The following MPP7 variants were observed in gnomAD, a reference collection of about 807,000 sequenced individuals.
The protein encoded by MPP7 is MAGUK p55 subfamily member 7.
Under a neutral mutation model 76.5 loss-of-function variants are expected in MPP7, and 60 were observed. The observed-to-expected ratio is 0.78, with a 90% CI of 0.64 to 0.97. The LOEUF is 0.97. Among genes scored for constraint, MPP7 ranks in the 50% least tolerant of loss-of-function variants. MPP7 has a pLI of 0.00. For missense variants in MPP7, 641 were observed against 694.0 expected, an observed-to-expected ratio of 0.92 and a Z score of 0.86; for synonymous variants, 237 against 244.5, an observed-to-expected ratio of 0.97 and a Z score of 0.29.
At chr10:28,311,134 A>G (rs1841287461) in intron 2 of MPP7, among the ~76,000 whole-genome samples, 1 of 152,234 alleles carries the variant, frequency 6.6e-6, no homozygotes, top group Admixed American at 6.5e-5. Flanking sequence ...TTCATCAACC[A>G]GTTGTACCTG....
chr10:28,295,051 C>T (rs1841007825), intron 1 of MPP7, among the ~76,000 whole-genome samples: 1 of 152,182 alleles, frequency 6.6e-6, no homozygotes, highest in East Asian at 1.9e-4. Context: ...GACCTCCCCT[C>T]CCAGACCGAC....
chr10:28,120,725 T>C (rs1272357936), intron 8 of MPP7, 57 bp from the exon 9 acceptor site: 1 of 1,373,644 alleles, frequency 7.3e-7, no homozygotes, highest in East Asian at 2.3e-5. Flanking sequence ...AAGAATAAGG[T>C]AAAATAGGTA....
chr10:28,291,829 A>G (rs1414289850), intron 1 of MPP7, among the ~76,000 whole-genome samples: 1 of 152,224 alleles, frequency 6.6e-6, no homozygotes, highest in Non-Finnish European at 1.5e-5. Flanking sequence ...CAGGCAAAAA[A>G]GTTAAGCTAA....
rs971967774 is a variant in MPP7, at chr10:28,052,639, A to C, written c.*1426T>G. ...TTTAAATTAGGACATCTTGACATAC[A>C]ATCAGTTTATTTTATGAATAGCCCC... On this transcript the variant is annotated 3_prime_UTR_variant, in exon 17 of 17. Coordinates refer to ENST00000683449, the MANE Select transcript of MPP7 (RefSeq NM_001318170.2). 1 of 152,646 alleles carries C rather than the reference A, an allele frequency of 6.6e-6. No homozygotes were observed. Among genetic ancestry groups the C allele is most frequent in the Admixed American group, 6.5e-5 (1 of 15,288 alleles). The allele number at this position is 152,646 out of a possible 1,614,324, so 9.5% of individuals were successfully genotyped here.
intron 16 of MPP7, among the ~76,000 whole-genome samples, chr10:28,055,140 T>G (rs1851508128): frequency 6.6e-6 from 1 of 152,258 alleles, no homozygotes; most frequent in Non-Finnish European, 1.5e-5. Context: ...GAGAAACCTT[T>G]AAAATGTCTA....
rs183651994 is a variant in MPP7, at chr10:28,171,778, C to T, written c.157-21719G>A. On this transcript the variant is annotated intron_variant, in intron 3 of 16. Coordinates refer to ENST00000683449, the MANE Select transcript of MPP7 (RefSeq NM_001318170.2). ...TATGGTATCAAACGCCTGCACTTCT[C>T]TAGTTTTGTTCATTCTTTGTATAGT... Among the ~76,000 whole-genome samples, 538 of 152,280 alleles carry T rather than the reference C, an allele frequency of 3.5e-3. 4 individuals are homozygous for T. Among genetic ancestry groups the T allele is most frequent in the African/African-American group, 0.013 (520 of 41,554 alleles).
At chr10:28,075,897 C>T (rs6481501) in intron 12 of MPP7, among the ~76,000 whole-genome samples, 21,510 of 152,136 alleles carry the variant, frequency 0.14, 1,942 homozygotes, top group East Asian at 0.33. Context: ...TATTCAACAA[C>T]GGCTTCCCTA....
chr10:28,073,909 T>C (rs745500757), intron 12 of MPP7, among the ~76,000 whole-genome samples: 6 of 152,248 alleles, frequency 3.9e-5, no homozygotes, highest in Non-Finnish European at 7.4e-5. Flanking sequence ...GCTCAAACAG[T>C]GCTTCCTCCA....
At position 28,056,526 on chromosome 10, in the gene MPP7, T is replaced by C. The variant is rs1851564953; in HGVS notation, c.1505A>G (p.Lys502Arg). 6.2e-7 allele frequency: 1 copy of C among 1,612,810 alleles called. No homozygotes were observed. Among genetic ancestry groups the C allele is most frequent in the Non-Finnish European group, 8.5e-7 (1 of 1,179,796 alleles). ...TTGGTCATCTCTGCTTGAAATAATC[T>C]TTGCATTTTTTCTTGTTTCTCTCAA... ...ERLRETRKNA[K>R]IISSRDDQGA... The change falls in exon 16 of 17, where the codon AAG (lysine) becomes AGG (arginine). Residue 502 changes from lysine to arginine, a missense_variant. By Grantham distance (26) the Lys-to-Arg change is conservative. Transcript: ENST00000683449.
At chr10:28,247,166 T>C (rs1050610833) in intron 1 of MPP7, among the ~76,000 whole-genome samples, 9 of 152,208 alleles carry the variant, frequency 5.9e-5, no homozygotes, top group East Asian at 1.9e-4. Flanking sequence ...TTCAACACAA[T>C]AGTTCCAAAA....
intron 1 of MPP7, among the ~76,000 whole-genome samples, chr10:28,241,807 G>A (rs1839279547): frequency 6.6e-6 from 1 of 152,052 alleles, no homozygotes; most frequent in South Asian, 2.1e-4. Flanking sequence ...CTTTAAAAGG[G>A]CTTATTTTTG....
intron 5 of MPP7, among the ~76,000 whole-genome samples, chr10:28,136,488 A>G (rs184725728): frequency 6.6e-6 from 1 of 152,190 alleles, no homozygotes; most frequent in Non-Finnish European, 1.5e-5. Flanking sequence ...GCTCATAATG[A>G]AGAAAAAAAT....
intron 6 of MPP7, among the ~76,000 whole-genome samples, chr10:28,130,704 C>T (rs1835164994): frequency 6.6e-6 from 1 of 152,186 alleles, no homozygotes; most frequent in African/African-American, 2.4e-5. Flanking sequence ...CCCGAACTAA[C>T]AAATGTCATT....
intron 1 of MPP7, among the ~76,000 whole-genome samples, chr10:28,270,758 T>A (rs1259464779): frequency 6.6e-6 from 1 of 152,164 alleles, no homozygotes; most frequent in Non-Finnish European, 1.5e-5. Flanking sequence ...TAAATCAGAG[T>A]TCATCAGAAA....
chr10:28,128,494 G>A (rs997120170), intron 6 of MPP7, among the ~76,000 whole-genome samples: 6 of 152,154 alleles, frequency 3.9e-5, no homozygotes, highest in Non-Finnish European at 4.4e-5. Context: ...ATGGTGGCAT[G>A]GATCTGACTG....
At chr10:28,205,557 T>A (rs1019371821) in intron 2 of MPP7, among the ~76,000 whole-genome samples, 2 of 152,094 alleles carry the variant, frequency 1.3e-5, no homozygotes, top group African/African-American at 4.8e-5. Context: ...AGTAAACAGT[T>A]ATGGTAGCTA....
At chr10:28,167,013 T>A (rs150910829) in intron 3 of MPP7, among the ~76,000 whole-genome samples, 1 of 152,140 alleles carries the variant, frequency 6.6e-6, no homozygotes, top group Non-Finnish European at 1.5e-5. Context: ...TCTGCTATTA[T>A]GAACTCTGCT....
At position 28,058,572 on chromosome 10, in the gene MPP7, A is replaced by C; in HGVS notation, c.1330T>G (p.Tyr444Asp). 6.2e-7 allele frequency: 1 copy of C among 1,600,624 alleles called. No individual in the cohort carries two copies. Among genetic ancestry groups the C allele is most frequent in the African/African-American group, 1.3e-5 (1 of 74,594 alleles). The change falls in exon 15 of 17, where the codon TAC (tyrosine) becomes GAC (aspartate). Residue 444 changes from tyrosine (Y) to aspartate (D), a missense_variant. Coordinates refer to ENST00000683449, the MANE Select transcript of MPP7 (RefSeq NM_001318170.2). ...FIEYGEYKNN[Y>D]YGTSIDSVRS... ...ACTGAGTCTATACTTGTGCCGTAGT[A>C]GTTGTTTTTATATTCTCCATATTCA...
chr10:28,257,115 C>T (rs1839810449), intron 1 of MPP7, among the ~76,000 whole-genome samples: 1 of 152,200 alleles, frequency 6.6e-6, no homozygotes, highest in South Asian at 2.1e-4. Flanking sequence ...AGGCTACCTA[C>T]ATCAAACCTA....
Sources: gnomAD v4.1 joint callset for allele counts (sites outside exome capture counted in the v4.1 genomes callset) on GRCh38, gnomAD v4.1.1 for gene constraint, MANE v1.5 for transcripts, NCBI Gene and HGNC (gene_info 2026-07-23, HGNC 2026-07-21) for gene names.